MECOM: variants seen among roughly 807,000 people sequenced by gnomAD.
MECOM encodes MDS1 and EVI1 complex locus, also known as histone-lysine N-methyltransferase MECOM.
A neutral mutation model predicts 116.3 loss-of-function variants in MECOM; 13 were observed. The ratio of observed to expected loss-of-function variants is 0.11; its 90% CI spans 0.07 to 0.18. MECOM has a LOEUF of 0.18. Among genes scored for constraint, MECOM ranks in the 10% least tolerant of loss-of-function variants. The pLI is 1.00. For missense variants in MECOM, 1,299 were observed against 1,509.0 expected (o/e 0.86, Z 2.31); for synonymous variants, 528 against 535.2 (o/e 0.99, Z 0.19).
At chr3:169,135,252 A>G (rs1028074792) in intron 3 of MECOM, among the ~76,000 whole-genome samples, 5 of 152,148 alleles carry the variant, frequency 3.3e-5, no homozygotes, top group African/African-American at 1.2e-4. Flanking sequence ...CTCTTCTCCT[A>G]TCAGGGTTTT....
intron 1 of MECOM, among the ~76,000 whole-genome samples, chr3:169,576,972 T>A (rs1027942847): frequency 6.6e-6 from 1 of 152,148 alleles, no homozygotes; most frequent in Non-Finnish European, 1.5e-5. Context: ...AGATATATGC[T>A]AGGGGTCTCA....
At chr3:169,495,390 T>G (rs1753688787) in intron 1 of MECOM, among the ~76,000 whole-genome samples, 2 of 152,210 alleles carry the variant, frequency 1.3e-5, no homozygotes, top group Non-Finnish European at 2.9e-5. Flanking sequence ...TTTTTATTCT[T>G]TGATAATTAT....
At chr3:169,343,182 G>T (rs1287412768) in intron 2 of MECOM, among the ~76,000 whole-genome samples, 1 of 152,048 alleles carries the variant, frequency 6.6e-6, no homozygotes, top group Non-Finnish European at 1.5e-5. Flanking sequence ...TTTTGTTTTG[G>T]CTGATGACAA....
At chr3:169,508,294 T>TAATTGTTTTAACCGCTGTA (rs1259029703) in intron 1 of MECOM, among the ~76,000 whole-genome samples, 1 of 152,102 alleles carries the variant, frequency 6.6e-6, no homozygotes, top group African/African-American at 2.4e-5. Flanking sequence ...CATGTGCCAT[T>TAATTGTTTTAACCGCTGTA]AATTGTTTTA....
chr3:169,222,736 T>G (rs1306307046), intron 2 of MECOM, among the ~76,000 whole-genome samples: 1 of 152,234 alleles, frequency 6.6e-6, no homozygotes, highest in Non-Finnish European at 1.5e-5. Context: ...TATAGCTCAT[T>G]GCCAGATTAA....
At chr3:169,154,179 C>T (rs1741601494) in intron 2 of MECOM, among the ~76,000 whole-genome samples, 1 of 151,998 alleles carries the variant, frequency 6.6e-6, no homozygotes, top group Non-Finnish European at 1.5e-5. Context: ...TATTCTGCAG[C>T]AAAGGTGGAA....
At position 169,122,694 on chromosome 3, in the gene MECOM, C is replaced by G; in HGVS notation, c.864G>C (p.Glu288Asp). ...GACACTGATCACACTTGTATTCCCTCTCTTCAGTATGTGACAGCATGTGTT... is the reference window on the plus strand; with the variant it reads ...GACACTGATCACACTTGTATTCCCTGTCTTCAGTATGTGACAGCATGTGTT... ...LEKHMLSHTEEREYKCDQCPK... is the reference protein window; with the variant it reads ...LEKHMLSHTEDREYKCDQCPK... Residue 288 changes from glutamate to aspartate, a missense_variant, in exon 6 of 17, where the codon GAG becomes GAC. By Grantham distance (45) the Glu-to-Asp change is conservative. Transcript: ENST00000651503. 6.2e-7 allele frequency: 1 copy of G among 1,614,016 alleles called. No individual in the cohort carries two copies. The highest frequency in any genetic ancestry group is 8.5e-7 in the Non-Finnish European group (1 of 1,179,892).
At chr3:169,633,685 C>T (rs1452201386) in intron 1 of MECOM, among the ~76,000 whole-genome samples, 1 of 152,046 alleles carries the variant, frequency 6.6e-6, no homozygotes, top group Non-Finnish European at 1.5e-5. Context: ...ATGTCAGGGA[C>T]CTCAGCCCCT....
chr3:169,097,817 T>TTAA (rs1722127820), intron 12 of MECOM, among the ~76,000 whole-genome samples: 1 of 87,194 alleles, frequency 1.1e-5, no homozygotes, highest in Non-Finnish European at 2.2e-5. Context: ...ACTGTCTATA[T>TTAA]AAAAAAAAAA....
rs781239284 is a variant in MECOM at position 169,121,044 on chromosome 3, T to A, written c.1132+12A>T. On this transcript the variant is annotated intron_variant, in intron 7 of 16. Coordinates refer to ENST00000651503, the MANE Select transcript of MECOM (RefSeq NM_004991.4). Reference sequence around the variant, plus strand: ...AGATGTGGGAAGGAGGGCTGGAGTGTTGAAAACTTACAGATAAAGGGCTTC... The same window carrying A: ...AGATGTGGGAAGGAGGGCTGGAGTGATGAAAACTTACAGATAAAGGGCTTC... 4 of 1,594,052 alleles carry A rather than the reference T, an allele frequency of 2.5e-6. No homozygotes were observed. In the African/African-American group the frequency reaches 5.4e-5, roughly 21 times the overall value.
chr3:169,102,073 G>C lies in MECOM; in HGVS notation c.2758C>G (p.Arg920Gly). Residue 920 changes from arginine to glycine, a missense_variant, in exon 11 of 17, where the codon CGC becomes GGC. Arg to Gly is a moderately radical substitution (Grantham distance 125, BLOSUM62 -2). Around this residue, in one of 6 missense-constraint regions of MECOM, gnomAD observed 340 missense variants for 312.6 expected, o/e 1.09. Transcript: ENST00000651503. ...PENLLRKGKE[R>G]YTCRYCGKIF... ...CTGTGCAGTTACCTGCAGGTATAGC[G>C]CTCCTTTCCCTTCCGCAGAAGGTTC... 1.9e-6 allele frequency: 3 copies of C among 1,612,530 alleles called. No homozygotes were observed. The highest frequency in any genetic ancestry group is 2.5e-6 in the Non-Finnish European group (3 of 1,179,568).
At chr3:169,244,146 T>C (rs1264161327) in intron 2 of MECOM, among the ~76,000 whole-genome samples, 1 of 152,248 alleles carries the variant, frequency 6.6e-6, no homozygotes, top group Admixed American at 6.5e-5. Context: ...TAATTTCCCT[T>C]TCTCCTCTTA....
At chr3:169,518,227 C>A (rs1224031698) in intron 1 of MECOM, among the ~76,000 whole-genome samples, 1 of 151,640 alleles carries the variant, frequency 6.6e-6, no homozygotes, top group Admixed American at 6.6e-5. Context: ...CCACTGCACT[C>A]CAGCCTGGGC....
chr3:169,295,365 T>C (rs1715400073), intron 2 of MECOM, among the ~76,000 whole-genome samples: 1 of 152,224 alleles, frequency 6.6e-6, no homozygotes, highest in Non-Finnish European at 1.5e-5. Context: ...GTACCTAAAT[T>C]TTTAAAAGGG....
chr3:169,579,236 G>A (rs1447354262), intron 1 of MECOM, among the ~76,000 whole-genome samples: 3 of 152,112 alleles, frequency 2.0e-5, no homozygotes, highest in Non-Finnish European at 2.9e-5. Context: ...TCATTACATC[G>A]CCTCTTACTT....
At chr3:169,494,185 A>C (rs1355350305) in intron 1 of MECOM, among the ~76,000 whole-genome samples, 1 of 151,958 alleles carries the variant, frequency 6.6e-6, no homozygotes. Flanking sequence ...ACAGGGGACA[A>C]TCTCAGTTTT....
At chr3:169,515,956 C>T (rs1040215528) in intron 1 of MECOM, among the ~76,000 whole-genome samples, 2 of 152,104 alleles carry the variant, frequency 1.3e-5, no homozygotes, top group Non-Finnish European at 2.9e-5. Flanking sequence ...TATGGACAAG[C>T]TCTAGGAAGC....
At chr3:169,645,192 A>C (rs556308482) in intron 1 of MECOM, among the ~76,000 whole-genome samples, 1 of 152,278 alleles carries the variant, frequency 6.6e-6, no homozygotes, top group East Asian at 1.9e-4. Context: ...AAAACCAACC[A>C]AGCATAAGGG....
chr3:169,247,925 G>T (rs1755791219), intron 2 of MECOM, among the ~76,000 whole-genome samples: 1 of 152,032 alleles, frequency 6.6e-6, no homozygotes, highest in Non-Finnish European at 1.5e-5. Context: ...CTGAAATTTG[G>T]GTCAATATGA....
Sources: allele counts gnomAD v4.1 joint callset (sites outside exome capture counted in the v4.1 genomes callset), GRCh38; gene constraint gnomAD v4.1.1; regional missense constraint gnomAD v4.1.1; transcripts MANE v1.5; gene names NCBI Gene and HGNC (gene_info 2026-07-23, HGNC 2026-07-21).